The following EML1 variants were observed in gnomAD, a reference collection of about 807,000 sequenced individuals.
EML1 encodes the protein EMAP like 1, also known as echinoderm microtubule-associated protein-like 1.
EML1 carries 27 observed loss-of-function variants against 110.4 expected under a neutral mutation model. That is an observed-to-expected ratio of 0.24 (90% CI 0.18 to 0.34). EML1 has a LOEUF of 0.34. Among genes scored for constraint, EML1 ranks in the 10% least tolerant of loss-of-function variants. EML1 has a pLI of 1.00. For missense variants in EML1, 741 were observed against 1,030.9 expected (o/e 0.72, Z 3.85); for synonymous variants, 344 against 385.8 (o/e 0.89, Z 1.27).
At chr14:99,894,582 A>C in intron 5 of EML1, 47 bp from the exon 6 acceptor site, 1 of 1,577,682 alleles carries the variant, frequency 6.3e-7, no homozygotes, top group Non-Finnish European at 8.6e-7. Context: ...GTTTTCAGGT[A>C]CGCTGGGCAC....
At chr14:99,933,680 C>T (rs895670378) in intron 17 of EML1, among the ~76,000 whole-genome samples, 1 of 152,230 alleles carries the variant, frequency 6.6e-6, no homozygotes, top group African/African-American at 2.4e-5. Context: ...CCTCACTGTC[C>T]TCTCTTGAAA....
chr14:99,918,621 C>T (rs1461258021), intron 16 of EML1, among the ~76,000 whole-genome samples: 1 of 152,046 alleles, frequency 6.6e-6, no homozygotes, highest in East Asian at 1.9e-4. Context: ...AGTTCGAGAC[C>T]AGCCTGGGCA....
In EML1 at chr14:99,892,125, G is replaced by A. The variant is rs79160518; in HGVS notation, c.547+898G>A. Reference sequence around the variant, plus strand: ...CCAGCCACACTTGCAGTACTCCACCGTCTCTTTATCTAGCCCTTCTGTCTC... The same window carrying A: ...CCAGCCACACTTGCAGTACTCCACCATCTCTTTATCTAGCCCTTCTGTCTC... On this transcript the variant is annotated intron_variant, in intron 5 of 21. Transcript: ENST00000262233. 5.1e-3 allele frequency: 5,074 copies of A among 985,310 alleles called. 161 individuals are homozygous for A. The African/African-American group carries it at 0.074, about 14-fold the overall frequency. 61.0% of individuals were successfully genotyped at this position (985,310 alleles called of 1,614,324 possible). A position where few individuals can be genotyped will look rare whatever the true frequency, so the allele number is the denominator to read the frequency against.
chr14:99,899,279 T>G (rs952605542), intron 8 of EML1: 1 of 152,230 alleles, frequency 6.6e-6, no homozygotes, highest in Non-Finnish European at 1.5e-5. Context: ...TTTAGTAACA[T>G]TGGATTTTAA....
intron 3 of EML1, among the ~76,000 whole-genome samples, chr14:99,871,583 G>C (rs1394662420): frequency 6.6e-6 from 1 of 152,030 alleles, no homozygotes; most frequent in African/African-American, 2.4e-5. Flanking sequence ...GAACAGGGAA[G>C]TTTGGAAGAA....
chr14:99,822,281 G>A (rs535393479), intron 1 of EML1, among the ~76,000 whole-genome samples: 5 of 152,314 alleles, frequency 3.3e-5, no homozygotes, highest in South Asian at 2.1e-4. Flanking sequence ...CACTATATAT[G>A]AGAATACATG....
intron 8 of EML1, among the ~76,000 whole-genome samples, chr14:99,900,467 G>A (rs189726837): frequency 3.3e-5 from 5 of 152,234 alleles, no homozygotes; most frequent in Admixed American, 3.3e-4. Flanking sequence ...GATTACAGGC[G>A]TGAGCCACCA....
intron 1 of EML1, chr14:99,809,490 G>A (rs1379661328): frequency 1.1e-5 from 4 of 363,418 alleles, no homozygotes; most frequent in African/African-American, 6.4e-5. Flanking sequence ...ATGCCCAGAA[G>A]CTGTGTCCAG....
At position 99,940,116 on chromosome 14, in the gene EML1, C is replaced by G. The variant is rs770399992; in HGVS notation, c.*4C>G. ...CATGCAGTGGCGCGTCATTTAGTAC[C>G]CACCGAGAGCTGTGGGGAGCAGCAT... On this transcript the variant is annotated 3_prime_UTR_variant, in exon 22 of 22. Transcript: ENST00000262233. 6.4e-7 allele frequency: 1 copy of G among 1,561,512 alleles called. No homozygotes were observed. Among genetic ancestry groups the G allele is most frequent in the South Asian group, 1.2e-5 (1 of 83,692 alleles).
In EML1 at chr14:99,892,063, C is replaced by T. The variant is rs1046868308; in HGVS notation, c.547+836C>T. On this transcript the variant is annotated intron_variant, in intron 5 of 21. Coordinates refer to ENST00000262233, the MANE Select transcript of EML1 (RefSeq NM_004434.3). ...GGGGGGCAGGTCAGGTGTTGGCCTG[C>T]GGGCTAGTGAGGGCTCCGGGCTCCG... 30 of 859,900 alleles carry T rather than the reference C, an allele frequency of 3.5e-5. No homozygotes were observed. In the African/African-American group the frequency reaches 4.8e-4, roughly 14 times the overall value. 53.3% of individuals were successfully genotyped at this position (859,900 alleles called of 1,614,324 possible).
At chr14:99,756,783 AGTGT>A (rs1252378993) in intron 1 of EML1, among the ~76,000 whole-genome samples, 3 of 152,080 alleles carry the variant, frequency 2.0e-5, no homozygotes, top group Non-Finnish European at 2.9e-5. Context: ...TTTGAAGTTC[AGTGT>A]GTCAGGCACC....
intron 1 of EML1, among the ~76,000 whole-genome samples, chr14:99,846,344 G>A (rs1357748437): frequency 1.5e-4 from 21 of 143,848 alleles, no homozygotes; most frequent in Admixed American, 1.1e-3. Flanking sequence ...GTGCAGTGGC[G>A]CAATCTCGGC....
chr14:99,870,408 T>C (rs185770809), intron 3 of EML1, among the ~76,000 whole-genome samples: 12 of 152,366 alleles, frequency 7.9e-5, no homozygotes, highest in Admixed American at 7.2e-4. Context: ...AGTGCTATTG[T>C]AGAAGCTGCT....
intron 4 of EML1, among the ~76,000 whole-genome samples, chr14:99,880,342 G>A (rs1452875642): frequency 3.3e-5 from 5 of 152,074 alleles, no homozygotes; most frequent in Non-Finnish European, 5.9e-5. Context: ...GCTAAGACTC[G>A]GTAGAAGTGA....
At chr14:99,763,142 T>A (rs1009878556) in intron 1 of EML1, among the ~76,000 whole-genome samples, 5 of 152,196 alleles carry the variant, frequency 3.3e-5, no homozygotes, top group African/African-American at 1.2e-4. Context: ...GCCATCTATG[T>A]AAGATGTGAC....
At chr14:99,850,738 G>C in intron 1 of EML1, 115 bp from the exon 2 acceptor site, 2 of 1,094,746 alleles carry the variant, frequency 1.8e-6, no homozygotes, top group Non-Finnish European at 2.6e-6. Context: ...TCTGTAGTCC[G>C]TAAGTGTTAC....
At chr14:99,790,875 T>TTTTTTTTTTTTTTTTTG (rs2057661557), upstream of EML1, among the ~76,000 whole-genome samples, 1 of 150,708 alleles carries the variant, frequency 6.6e-6, no homozygotes, top group Admixed American at 6.6e-5. Flanking sequence ...CCTTTTTTTT[T>TTTTTTTTTTTTTTTTTG]GTGACAGGGT....
chr14:99,751,230 G>A (rs924497312), intron 1 of EML1, among the ~76,000 whole-genome samples: 3 of 151,890 alleles, frequency 2.0e-5, no homozygotes, highest in Non-Finnish European at 2.9e-5. Flanking sequence ...TGAGAGCCCC[G>A]TGTGCCATGT....
intron 1 of EML1, among the ~76,000 whole-genome samples, chr14:99,839,466 A>G (rs1187425296): frequency 6.6e-6 from 1 of 152,210 alleles, no homozygotes; most frequent in Non-Finnish European, 1.5e-5. Flanking sequence ...CATTGTACAG[A>G]ATTAAACTGA....
Sources: allele counts gnomAD v4.1 joint callset (sites outside exome capture counted in the v4.1 genomes callset), GRCh38; gene constraint gnomAD v4.1.1; transcripts MANE v1.5; gene names NCBI Gene and HGNC (gene_info 2026-07-23, HGNC 2026-07-21).